Variants in CTNNA3 observed in about 807,000 individuals in gnomAD.
CTNNA3 encodes the protein catenin alpha-3.
In CTNNA3, 76 loss-of-function variants were observed where a neutral mutation model predicts 95.7. That is an observed-to-expected ratio of 0.79 (90% CI 0.66 to 0.96). The LOEUF (loss-of-function observed/expected upper bound fraction) is 0.96. Ranked by LOEUF, CTNNA3 falls within the 40% of genes least tolerant of loss-of-function variation. The pLI is 0.00. For missense variants in CTNNA3, 1,191 were observed against 1,089.8 expected (o/e 1.09, Z -1.31); for synonymous variants, 431 against 374.4 (o/e 1.15, Z -1.74).
At chr10:67,603,585 TA>T (rs1010368267) in intron 3 of CTNNA3, among the ~76,000 whole-genome samples, 20 of 148,118 alleles carry the variant, frequency 1.4e-4, no homozygotes, top group Non-Finnish European at 2.4e-4. Flanking sequence ...TAGATTTTAG[TA>T]AAAAAAACTT....
intron 7 of CTNNA3, among the ~76,000 whole-genome samples, chr10:67,060,733 G>T (rs1855710463): frequency 6.6e-6 from 1 of 152,228 alleles, no homozygotes; most frequent in East Asian, 1.9e-4. Flanking sequence ...AGATGATGTA[G>T]CTAGAAAACT....
At chr10:66,775,569 T>C (rs1184213819) in intron 7 of CTNNA3, 45 bp from the exon 8 acceptor site, 36 of 1,357,356 alleles carry the variant, frequency 2.7e-5, no homozygotes, top group Non-Finnish European at 3.6e-5. Context: ...TCAATTAATC[T>C]TTATCACTTA....
rs147215387 is a variant in CTNNA3, at chr10:67,487,277, T to C, written c.579+34565A>G. ...TGTTATAGGTTTTGACAGTAAGACA[T>C]CCCCCTTGGCAAAAAATGTCTCCTC... On this transcript the variant is annotated intron_variant, in intron 5 of 17. Transcript: ENST00000433211. Among the ~76,000 whole-genome samples, 134 of 152,256 alleles carry C rather than the reference T, an allele frequency of 8.8e-4. 1 individual carries two copies. The highest frequency in any genetic ancestry group is 3.1e-3 in the African/African-American group (129 of 41,564).
chr10:67,615,657 CT>C (rs746378840), intron 2 of CTNNA3, among the ~76,000 whole-genome samples: 12,340 of 101,994 alleles, frequency 0.12, 262 homozygotes, highest in Non-Finnish European at 0.14. Flanking sequence ...GGCAGGTATT[CT>C]TTTTTTTTTT....
At chr10:66,474,435 T>C (rs1163730906) in intron 11 of CTNNA3, among the ~76,000 whole-genome samples, 1 of 152,120 alleles carries the variant, frequency 6.6e-6, no homozygotes, top group Non-Finnish European at 1.5e-5. Context: ...CACATTTTCT[T>C]TACCCATTCA....
At chr10:66,128,189 C>G (rs1350356890) in intron 13 of CTNNA3, among the ~76,000 whole-genome samples, 1 of 151,978 alleles carries the variant, frequency 6.6e-6, no homozygotes, top group African/African-American at 2.4e-5. Flanking sequence ...TATACACAAA[C>G]AATAATCACT....
chr10:65,978,492 TTTTA>T (rs2078252755), intron 16 of CTNNA3, among the ~76,000 whole-genome samples: 1 of 103,682 alleles, frequency 9.6e-6, no homozygotes. Flanking sequence ...ATTTTTTTTT[TTTTA>T]ACTTTCATTC....
At chr10:66,569,034 AT>A (rs1479976700) in intron 10 of CTNNA3, among the ~76,000 whole-genome samples, 1 of 152,014 alleles carries the variant, frequency 6.6e-6, no homozygotes, top group Non-Finnish European at 1.5e-5. Flanking sequence ...ATGCCCTCTG[AT>A]AAACTGTGGC....
At chr10:67,281,195 G>A (rs1839388478) in intron 5 of CTNNA3, among the ~76,000 whole-genome samples, 1 of 151,586 alleles carries the variant, frequency 6.6e-6, no homozygotes, top group Non-Finnish European at 1.5e-5. Context: ...TAATCAAATA[G>A]CAAGATTTAA....
chr10:66,172,714 G>A (rs911939379), intron 13 of CTNNA3, among the ~76,000 whole-genome samples: 1 of 152,058 alleles, frequency 6.6e-6, no homozygotes, highest in African/African-American at 2.4e-5. Flanking sequence ...GAAGAAAATG[G>A]TCCTTAACCC....
chr10:66,464,515 C>G, intron 11 of CTNNA3, among the ~76,000 whole-genome samples: 1 of 152,082 alleles, frequency 6.6e-6, no homozygotes, highest in East Asian at 1.9e-4. Context: ...ATAATCGCAG[C>G]ACTTTGTGAG....
chr10:66,343,960 C>T (rs151002641), intron 12 of CTNNA3, among the ~76,000 whole-genome samples: 2,969 of 151,928 alleles, frequency 0.02, 57 homozygotes, highest in South Asian at 0.041. Context: ...GGCATAGGGG[C>T]TCATGCCTGT....
intron 1 of CTNNA3, among the ~76,000 whole-genome samples, chr10:67,685,966 G>A (rs751757223): frequency 6.6e-6 from 1 of 151,278 alleles, no homozygotes; most frequent in Non-Finnish European, 1.5e-5. Flanking sequence ...CTTTCCTTCT[G>A]TCTTTGACTT....
chr10:66,939,243 T>C (rs1847876792), intron 7 of CTNNA3, among the ~76,000 whole-genome samples: 1 of 152,212 alleles, frequency 6.6e-6, no homozygotes, highest in Admixed American at 6.5e-5. Flanking sequence ...ATCTTCCCTT[T>C]TCTGAGTCTC....
chr10:66,290,893 A>G (rs2091670375), intron 12 of CTNNA3, among the ~76,000 whole-genome samples: 1 of 152,180 alleles, frequency 6.6e-6, no homozygotes, highest in African/African-American at 2.4e-5. Context: ...TGTTTTAGAA[A>G]CAAAAATGCT....
At chr10:66,473,662 T>C (rs1245701197) in intron 11 of CTNNA3, among the ~76,000 whole-genome samples, 3 of 151,938 alleles carry the variant, frequency 2.0e-5, no homozygotes, top group Non-Finnish European at 2.9e-5. Context: ...CTATCCCTCC[T>C]GCCTCCCCCC....
rs529015613 is a variant in CTNNA3, at chr10:66,199,295, T to C, written c.1884+81175A>G. On this transcript the variant is annotated intron_variant, in intron 13 of 17. Coordinates refer to ENST00000433211, the MANE Select transcript of CTNNA3 (RefSeq NM_013266.4). ...GTATTAAAAGCATTATAATATAACA[T>C]AGTACATTGTTTTCAACCTACTCTC... 2.2e-4 allele frequency among the ~76,000 whole-genome samples: 34 copies of C among 152,270 alleles called. No homozygotes were observed. In the South Asian group the frequency reaches 6.8e-3, roughly 31 times the overall value.
intron 7 of CTNNA3, among the ~76,000 whole-genome samples, chr10:67,141,116 T>C (rs1309619765): frequency 1.3e-5 from 2 of 152,186 alleles, no homozygotes; most frequent in Non-Finnish European, 2.9e-5. Context: ...TCAAAGATAA[T>C]ATTTGGTGAT....
At chr10:66,503,733 C>A (rs1840355282) in intron 11 of CTNNA3, among the ~76,000 whole-genome samples, 1 of 152,076 alleles carries the variant, frequency 6.6e-6, no homozygotes, top group Non-Finnish European at 1.5e-5. Context: ...TCTCAAAGTG[C>A]TAGGATTACA....
Sources: allele counts gnomAD v4.1 joint callset (sites outside exome capture counted in the v4.1 genomes callset), GRCh38; gene constraint gnomAD v4.1.1; transcripts MANE v1.5; gene names NCBI Gene and HGNC (gene_info 2026-07-23, HGNC 2026-07-21).